CHRM3: variants seen among roughly 807,000 people sequenced by gnomAD.
CHRM3 encodes the protein muscarinic acetylcholine receptor M3.
In CHRM3, 11 loss-of-function variants were observed where a neutral mutation model predicts 41.8. That is an observed-to-expected ratio of 0.26 (90% confidence interval 0.17 to 0.44). The LOEUF (loss-of-function observed/expected upper bound fraction) is 0.44, where lower values mean the gene tolerates loss of function less well. Ranked by LOEUF, CHRM3 falls within the 20% of genes least tolerant of loss-of-function variation. The pLI, the probability that CHRM3 is intolerant of heterozygous loss-of-function variation, is 1.00. For missense variants in CHRM3, 571 were observed against 745.4 expected, an observed-to-expected ratio of 0.77 and a Z score of 2.72; for synonymous variants, 297 against 301.4, an observed-to-expected ratio of 0.99 and a Z score of 0.15.
At chr1:239,495,098 C>T (rs999793348) in intron 2 of CHRM3, among the ~76,000 whole-genome samples, 32 of 152,180 alleles carry the variant, frequency 2.1e-4, no homozygotes, top group African/African-American at 7.7e-4. Context: ...CATATCCCAG[C>T]TTTTATTCCA....
intron 5 of CHRM3, among the ~76,000 whole-genome samples, chr1:239,770,084 C>T (rs2148718278): frequency 6.6e-6 from 1 of 152,232 alleles, no homozygotes; most frequent in South Asian, 2.1e-4. Flanking sequence ...CTCACAAAAG[C>T]TCTATATCAA....
intron 1 of CHRM3, among the ~76,000 whole-genome samples, chr1:239,459,982 T>C (rs1665235240): frequency 6.6e-6 from 1 of 152,178 alleles, no homozygotes; most frequent in South Asian, 2.1e-4. Flanking sequence ...CCCATACTAA[T>C]TTGACTCTGC....
At chr1:239,537,636 A>G (rs1658334996) in intron 2 of CHRM3, among the ~76,000 whole-genome samples, 1 of 152,112 alleles carries the variant, frequency 6.6e-6, no homozygotes, top group South Asian at 2.1e-4. Context: ...TGTTCCCTAA[A>G]TACTTATTTG....
rs1266990616 is a variant in CHRM3, at chr1:239,480,550, T to G, written c.-520-12159T>G. On this transcript the variant is annotated intron_variant, in intron 1 of 6. Transcript: ENST00000676153. ...TAATCCTACGATAGCCCAATTTTTTTTTTTTTTTTTTTTTTTTTTTTGTTG... is the reference window on the plus strand; with the variant it reads ...TAATCCTACGATAGCCCAATTTTTTGTTTTTTTTTTTTTTTTTTTTTGTTG... Among the ~76,000 whole-genome samples, 140 of 136,368 alleles carry G rather than the reference T, an allele frequency of 1.0e-3. 3 individuals carry two copies. The highest frequency in any genetic ancestry group is 3.6e-3 in the Middle Eastern group (1 of 276). The allele number at this position is 136,368 out of a possible 152,430, so 89.5% of individuals were successfully genotyped here.
chr1:239,482,838 A>G (rs1470506846), intron 1 of CHRM3, among the ~76,000 whole-genome samples: 2 of 152,252 alleles, frequency 1.3e-5, no homozygotes, highest in East Asian at 1.9e-4. Context: ...AATGAATAAT[A>G]TGATAAGAAT....
chr1:239,596,117 A>C (rs1004721974), intron 3 of CHRM3, among the ~76,000 whole-genome samples: 23 of 152,178 alleles, frequency 1.5e-4, no homozygotes, highest in Admixed American at 1.4e-3. Flanking sequence ...AAAACATTTG[A>C]GGTCTCATAG....
chr1:239,622,890 A>G (rs1572977433), intron 3 of CHRM3, among the ~76,000 whole-genome samples: 2 of 152,314 alleles, frequency 1.3e-5, no homozygotes, highest in Admixed American at 6.5e-5. Flanking sequence ...GATGTGATGT[A>G]TAGCATCACA....
rs572859749 is a variant in CHRM3 at position 239,510,240 on chromosome 1, A to G, written c.-422+17433A>G. ...AAATTGTTAGTTTAAGCCAAACATC[A>G]TACCCCATTTTCTCTACCAAATGTT... On this transcript the variant is annotated intron_variant, in intron 2 of 6. Coordinates refer to ENST00000676153, the MANE Select transcript of CHRM3 (RefSeq NM_001375978.1). Among the ~76,000 whole-genome samples, 408 of 152,326 alleles carry G rather than the reference A, an allele frequency of 2.7e-3. 4 individuals carry two copies. Among genetic ancestry groups the G allele is most frequent in the Non-Finnish European group, 3.0e-3 (207 of 68,032 alleles).
At chr1:239,861,997 A>G (rs1572518711) in intron 6 of CHRM3, among the ~76,000 whole-genome samples, 1 of 152,204 alleles carries the variant, frequency 6.6e-6, no homozygotes, top group Admixed American at 6.5e-5. Flanking sequence ...CCAAAAAAAC[A>G]CAAAAGAACA....
chr1:239,783,457 A>G (rs557782989), intron 5 of CHRM3, among the ~76,000 whole-genome samples: 28 of 152,284 alleles, frequency 1.8e-4, no homozygotes, highest in African/African-American at 6.5e-4. Flanking sequence ...AATTTCACAG[A>G]AATAAATGAA....
In CHRM3 at chr1:239,915,016, G is replaced by C. The variant is rs1680569394; in HGVS notation, c.*5792G>C. Reference sequence around the variant, plus strand: ...AAATATAGGAACTGTTACCAAGTTTGGTGCAGGCTTGAGGAATAATTACAT... The same window carrying C: ...AAATATAGGAACTGTTACCAAGTTTCGTGCAGGCTTGAGGAATAATTACAT... On this transcript the variant is annotated 3_prime_UTR_variant, in exon 7 of 7. Transcript: ENST00000676153. The C allele has an allele frequency of 1.2e-5, 2 of 167,034 alleles. No individual in the cohort carries two copies. Among genetic ancestry groups the C allele is most frequent in the South Asian group, 4.1e-4 (2 of 4,826 alleles). 10.3% of individuals were successfully genotyped at this position (167,034 alleles called of 1,614,324 possible).
chr1:239,684,365 G>A (rs1658865605), intron 5 of CHRM3, among the ~76,000 whole-genome samples: 2 of 152,032 alleles, frequency 1.3e-5, no homozygotes, highest in Admixed American at 1.3e-4. Context: ...ATGATACTGG[G>A]TAATCCCTGA....
At chr1:239,613,273 CTTAAGGCTGT>C (rs1332021017) in intron 3 of CHRM3, among the ~76,000 whole-genome samples, 1 of 152,180 alleles carries the variant, frequency 6.6e-6, no homozygotes, top group Non-Finnish European at 1.5e-5. Context: ...TTTGATCATC[CTTAAGGCTGT>C]TTCTGCCTTG....
intron 6 of CHRM3, among the ~76,000 whole-genome samples, chr1:239,891,829 C>T (rs1415084494): frequency 6.6e-6 from 1 of 152,166 alleles, no homozygotes; most frequent in Non-Finnish European, 1.5e-5. Flanking sequence ...GGAGGGGTAG[C>T]ATCAGGGGTT....
chr1:239,896,125 T>C (rs546660229), intron 6 of CHRM3, among the ~76,000 whole-genome samples: 44 of 152,298 alleles, frequency 2.9e-4, no homozygotes, highest in Non-Finnish European at 5.7e-4. Flanking sequence ...GTCTGTGCCG[T>C]CCTGGGAGAG....
intron 2 of CHRM3, among the ~76,000 whole-genome samples, chr1:239,493,493 T>G (rs1667686907): frequency 6.6e-6 from 1 of 152,220 alleles, no homozygotes; most frequent in South Asian, 2.1e-4. Flanking sequence ...TTATCGCATA[T>G]TTATGAGATG....
At chr1:239,637,808 C>T (rs1261556241) in intron 4 of CHRM3, among the ~76,000 whole-genome samples, 1 of 148,676 alleles carries the variant, frequency 6.7e-6, no homozygotes, top group Admixed American at 6.8e-5. Context: ...GGTACATGTG[C>T]ACAATGTGGT....
chr1:239,764,223 T>C (rs1175848518), intron 5 of CHRM3, among the ~76,000 whole-genome samples: 1 of 152,224 alleles, frequency 6.6e-6, no homozygotes, highest in Non-Finnish European at 1.5e-5. Flanking sequence ...TTATCTTATG[T>C]TGATCTGTAT....
At chr1:239,655,728 C>A (rs1214356757) in intron 4 of CHRM3, among the ~76,000 whole-genome samples, 3 of 152,182 alleles carry the variant, frequency 2.0e-5, no homozygotes. Flanking sequence ...TCAGTGTAAT[C>A]TTGAAACACC....
Sources: allele counts gnomAD v4.1 joint callset (sites outside exome capture counted in the v4.1 genomes callset), GRCh38; gene constraint gnomAD v4.1.1; transcripts MANE v1.5; gene names NCBI Gene and HGNC (gene_info 2026-07-23, HGNC 2026-07-21).